ACCSL: variants seen among roughly 807,000 people sequenced by gnomAD.
The protein encoded by ACCSL is 1-aminocyclopropane-1-carboxylate synthase homolog (inactive) like.
A neutral mutation model predicts 61.7 loss-of-function variants in ACCSL; 55 were observed. That is an observed-to-expected ratio of 0.89 (90% CI 0.72 to 1.12). The LOEUF is 1.12. Ranked by LOEUF, ACCSL falls within the 50% of genes most tolerant of loss-of-function variation. The pLI is 0.00. For synonymous variants in ACCSL, 258 were observed against 264.3 expected (o/e 0.98, Z 0.23); for missense variants, 632 against 698.0 (o/e 0.91, Z 1.07).
At chr11:44,059,526 T>C (rs537742874) in intron 13 of ACCSL, among the ~76,000 whole-genome samples, 3 of 152,224 alleles carry the variant, frequency 2.0e-5, no homozygotes, top group Non-Finnish European at 4.4e-5. Flanking sequence ...TGAGCTAGCA[T>C]AGAAGATAGG....
chr11:44,059,888 G>GTTT lies in ACCSL; in HGVS notation c.1676_1677insTTT (p.Val559_Lys560insLeu). ...GCAGGAGCAGAAGGAGGCTTTGATA[G>GTTT]TGAAGCAGTTGGAGGATGCAATGAG... On this transcript the variant is annotated inframe_insertion, in exon 14 of 14. Coordinates refer to ENST00000378832, the MANE Select transcript of ACCSL (RefSeq NM_001031854.2). The GTTT allele has an allele frequency of 1.2e-6, 2 of 1,613,984 alleles. No individual in the cohort carries two copies. The highest frequency in any genetic ancestry group is 1.7e-6 in the Non-Finnish European group (2 of 1,179,876).
chr11:44,054,222 C>G (rs1442107824), intron 8 of ACCSL, among the ~76,000 whole-genome samples: 1 of 152,152 alleles, frequency 6.6e-6, no homozygotes, highest in Admixed American at 6.5e-5. Context: ...TTTCTAAGAG[C>G]ACGTTCTAGA....
At chr11:43,940,331 A>T in the ACCSL span, among the ~76,000 whole-genome samples, 1 of 150,794 alleles carries the variant, frequency 6.6e-6, no homozygotes, top group African/African-American at 2.4e-5. Flanking sequence ...AAGATGCCTT[A>T]CTGTTGCCCT....
At chr11:44,053,165 G>A in intron 7 of ACCSL, 97 bp downstream of exon 7, 1 of 1,158,540 alleles carries the variant, frequency 8.6e-7, no homozygotes, top group Admixed American at 1.9e-5. Context: ...AAGACCTGGT[G>A]GGCTGTCCTT....
At chr11:43,965,208 A>G in the ACCSL span, among the ~76,000 whole-genome samples, 2 of 152,220 alleles carry the variant, frequency 1.3e-5, no homozygotes, top group Admixed American at 1.3e-4. Context: ...AACAACAACA[A>G]CAAAAACTCT....
the ACCSL span, among the ~76,000 whole-genome samples, chr11:44,042,291 T>G: frequency 0.85 from 128,953 of 152,196 alleles, 54,767 homozygotes; most frequent in African/African-American, 0.91. Flanking sequence ...CCAGTTACTT[T>G]CTTAGGGAGT....
At chr11:43,969,844 C>T in the ACCSL span, among the ~76,000 whole-genome samples, 1 of 152,164 alleles carries the variant, frequency 6.6e-6, no homozygotes, top group East Asian at 1.9e-4. Context: ...CACCCGTCCT[C>T]AGCCAGCCAG....
the ACCSL span, among the ~76,000 whole-genome samples, chr11:44,018,497 A>G: frequency 3.9e-5 from 6 of 152,278 alleles, no homozygotes; most frequent in South Asian, 1.2e-3. Context: ...CCCAGGCTCA[A>G]CTTCCTCTTC....
the ACCSL span, chr11:43,943,324 C>T: frequency 1.4e-6 from 2 of 1,428,890 alleles, no homozygotes; most frequent in African/African-American, 1.5e-5. This position sits in a 1 kb window ranked among gnomAD's most constrained non-coding sequence, Gnocchi z 4.8. Context: ...GCGCGGGGAC[C>T]GGCGTGTGAA....
the ACCSL span, among the ~76,000 whole-genome samples, chr11:44,042,114 A>G: frequency 6.6e-6 from 1 of 152,202 alleles, no homozygotes; most frequent in African/African-American, 2.4e-5. Flanking sequence ...TTGATAATCT[A>G]CTCATAGGTG....
At chr11:43,948,182 G>C in the ACCSL span, among the ~76,000 whole-genome samples, 1 of 152,188 alleles carries the variant, frequency 6.6e-6, no homozygotes, top group African/African-American at 2.4e-5. Context: ...TGTGTGGCAG[G>C]GCTCTAGAGG....
chr11:43,970,204 A>G, the ACCSL span, among the ~76,000 whole-genome samples: 1 of 151,984 alleles, frequency 6.6e-6, no homozygotes, highest in African/African-American at 2.4e-5. Context: ...CCTCATTGTA[A>G]TAAGTATTTT....
chr11:43,987,787 G>A, the ACCSL span, among the ~76,000 whole-genome samples: 2 of 152,170 alleles, frequency 1.3e-5, no homozygotes, highest in African/African-American at 2.4e-5. Flanking sequence ...ATAATCCAGC[G>A]CTCGGGGGGG....
chr11:43,950,162 C>A, the ACCSL span, among the ~76,000 whole-genome samples: 2 of 152,198 alleles, frequency 1.3e-5, no homozygotes, highest in South Asian at 4.1e-4. Context: ...GAAGCCCCCA[C>A]CTTCGAGTTG....
chr11:44,014,763 A>C, the ACCSL span, among the ~76,000 whole-genome samples: 1 of 152,132 alleles, frequency 6.6e-6, no homozygotes, highest in African/African-American at 2.4e-5. Context: ...TAGGAGTAGG[A>C]GGGGAGAAGG....
At chr11:44,048,568 G>GCCCCCCCCCCCCCC in intron 1 of ACCSL, 28 bp downstream of exon 1, 1 of 577,272 alleles carries the variant, frequency 1.7e-6, no homozygotes, top group Non-Finnish European at 3.1e-6. Context: ...GGGGTGGGCA[G>GCCCCCCCCCCCCCC]CATCCTCACG....
chr11:43,988,806 CTTTTTTTT>C, the ACCSL span, among the ~76,000 whole-genome samples: 354 of 97,234 alleles, frequency 3.6e-3, 3 homozygotes, highest in East Asian at 0.05. Context: ...ATTCTCTCTT[CTTTTTTTT>C]TTTTTTTTTT....
At chr11:43,999,964 G>A in the ACCSL span, among the ~76,000 whole-genome samples, 1 of 152,268 alleles carries the variant, frequency 6.6e-6, no homozygotes, top group South Asian at 2.1e-4. Flanking sequence ...GGTGTTATAA[G>A]TAATCTAGAG....
chr11:44,048,562 TGGGC>T, intron 1 of ACCSL, 22 bp downstream of exon 1: 1 of 193,386 alleles, frequency 5.2e-6, no homozygotes, highest in Non-Finnish European at 9.2e-6. Context: ...GGGTGGGGGG[TGGGC>T]AGCATCCTCA....
Sources: gnomAD v4.1 joint callset for allele counts (sites outside exome capture counted in the v4.1 genomes callset) on GRCh38, gnomAD v4.1.1 for gene constraint, Gnocchi (gnomAD v3.1) non-coding constraint, MANE v1.5 for transcripts, NCBI Gene and HGNC (gene_info 2026-07-23, HGNC 2026-07-21) for gene names.